The following PAK2 variants were observed in gnomAD, a reference collection of about 807,000 sequenced individuals.
PAK2 encodes the protein serine/threonine-protein kinase PAK 2.
In PAK2, 21 loss-of-function variants were observed where a neutral mutation model predicts 65.9. That is an observed-to-expected ratio of 0.32 (90% CI 0.23 to 0.46). The LOEUF (loss-of-function observed/expected upper bound fraction) is 0.46. PAK2 is among the 20% of genes least tolerant of loss of function. PAK2 has a pLI of 1.00. For missense variants in PAK2, 324 were observed against 642.6 expected, an observed-to-expected ratio of 0.50 and a Z score of 5.36; for synonymous variants, 204 against 219.7, an observed-to-expected ratio of 0.93 and a Z score of 0.63.
chr3:196,811,223 C>T (rs140460094), intron 8 of PAK2, among the ~76,000 whole-genome samples: 13,321 of 17,350 alleles, frequency 0.77, 5,559 homozygotes, highest in Admixed American at 0.79. Flanking sequence ...TTCCCTCCCT[C>T]CCTTCCCTTC....
intron 1 of PAK2, among the ~76,000 whole-genome samples, chr3:196,751,694 T>TATATATATATATATAAA (rs1211217848): frequency 6.5e-5 from 3 of 45,842 alleles, no homozygotes; most frequent in African/African-American, 2.3e-4. Flanking sequence ...TATATATATA[T>TATATATATATATATAAA]AATTCAGGCT....
chr3:196,767,153 A>G (rs866004277), intron 1 of PAK2, among the ~76,000 whole-genome samples: 1 of 152,074 alleles, frequency 6.6e-6, no homozygotes, highest in African/African-American at 2.4e-5. Flanking sequence ...TTCTGTAGTT[A>G]GTTGAGCCAT....
At chr3:196,803,383 G>A (rs1353087866) in intron 4 of PAK2, among the ~76,000 whole-genome samples, 1 of 152,182 alleles carries the variant, frequency 6.6e-6, no homozygotes, top group Non-Finnish European at 1.5e-5. Flanking sequence ...AGAAACGGGA[G>A]TTGATGGATA....
chr3:196,744,530 C>T (rs980592293), intron 1 of PAK2, among the ~76,000 whole-genome samples: 1 of 152,044 alleles, frequency 6.6e-6, no homozygotes, highest in Non-Finnish European at 1.5e-5. Context: ...AGAGCAAGAC[C>T]CTGTCTTATA....
At chr3:196,825,992 T>A (rs1002019161) in intron 13 of PAK2, among the ~76,000 whole-genome samples, 14 of 144,384 alleles carry the variant, frequency 9.7e-5, no homozygotes, top group Non-Finnish European at 1.5e-5. Context: ...TACAGGCATG[T>A]GCCACCACAC....
chr3:196,808,041 G>A, intron 7 of PAK2, 127 bp downstream of exon 7: 7 of 804,638 alleles, frequency 8.7e-6, no homozygotes, highest in Non-Finnish European at 1.1e-5. Flanking sequence ...TTTCCTTATA[G>A]CAACAGTAGC....
rs534487662 is a variant in PAK2 at position 196,754,049 on chromosome 3, T to C, written c.-22+13892T>C. On this transcript the variant is annotated intron_variant, in intron 1 of 14. Transcript: ENST00000327134. The stretch of plus-strand genomic sequence containing the variant: ...TTTACCACTCGTTTGATTTTTCTTT[T>C]TCACTTCTAATGTTGGCTTTATTTC... Among the ~76,000 whole-genome samples, 328 of 152,314 alleles carry C rather than the reference T, an allele frequency of 2.2e-3. 1 individual carries two copies. Among genetic ancestry groups the C allele is most frequent in the Non-Finnish European group, 3.6e-3 (243 of 68,034 alleles).
intron 1 of PAK2, among the ~76,000 whole-genome samples, chr3:196,760,313 C>T (rs540853370): frequency 2.6e-5 from 4 of 152,074 alleles, no homozygotes; most frequent in South Asian, 4.2e-4. Flanking sequence ...CACACTGGCG[C>T]GATCTCAGCT....
At chr3:196,788,324 T>G (rs984257091) in intron 2 of PAK2, among the ~76,000 whole-genome samples, 1 of 152,178 alleles carries the variant, frequency 6.6e-6, no homozygotes, top group African/African-American at 2.4e-5. Context: ...GATAATTCAT[T>G]TTATTCCACT....
intron 2 of PAK2, among the ~76,000 whole-genome samples, chr3:196,800,686 TC>T (rs1235456414): frequency 6.6e-6 from 1 of 152,050 alleles, no homozygotes; most frequent in Non-Finnish European, 1.5e-5. Context: ...AGAGATAGAC[TC>T]ACACGTGTAC....
intron 2 of PAK2, among the ~76,000 whole-genome samples, chr3:196,797,744 C>G (rs1464188020): frequency 1.3e-5 from 2 of 150,946 alleles, no homozygotes; most frequent in East Asian, 3.9e-4. Flanking sequence ...AAGCAAGACT[C>G]TGTCTCAAAA....
At position 196,813,941 on chromosome 3, in the gene PAK2, T is replaced by A. The variant is rs1009301893; in HGVS notation, c.936-510T>A. Among the ~76,000 whole-genome samples, 24 of 152,232 alleles carry A rather than the reference T, an allele frequency of 1.6e-4. No homozygotes were observed. In the East Asian group the frequency reaches 4.2e-3, roughly 27 times the overall value. On this transcript the variant is annotated intron_variant, in intron 10 of 14. Transcript: ENST00000327134. ...CTCCAGCCTGGCAACAGAGCAAGAC[T>A]CTGTCTCAAAAAAATAAATAAAAAA...
chr3:196,740,438 C>T (rs745735579), intron 1 of PAK2, among the ~76,000 whole-genome samples: 1 of 152,076 alleles, frequency 6.6e-6, no homozygotes, highest in Non-Finnish European at 1.5e-5. Flanking sequence ...CTGAACCTCG[C>T]GGCACCACGG....
chr3:196,819,940 C>T (rs1401514755), intron 12 of PAK2, among the ~76,000 whole-genome samples: 1 of 152,094 alleles, frequency 6.6e-6, no homozygotes, highest in Non-Finnish European at 1.5e-5. Context: ...CCCAGGAGTT[C>T]AAGACCAGCC....
rs1380749499 is a variant in PAK2, at chr3:196,828,492, A to C, written c.*87A>C. 1.2e-6 allele frequency: 1 copy of C among 827,320 alleles called. No homozygotes were observed. Among genetic ancestry groups the C allele is most frequent in the East Asian group, 2.4e-5 (1 of 41,018 alleles). 51.2% of individuals were successfully genotyped at this position (827,320 alleles called of 1,614,324 possible). A position where few individuals can be genotyped will look rare whatever the true frequency, so the allele number is the denominator to read the frequency against. Reference sequence around the variant, plus strand: ...AAAATTATTACTCTTTTTGGGGTTTAAAGAAATGGTCTGCATAACCTGAAT... The same window carrying C: ...AAAATTATTACTCTTTTTGGGGTTTCAAGAAATGGTCTGCATAACCTGAAT... On this transcript the variant is annotated 3_prime_UTR_variant, in exon 15 of 15. Coordinates refer to ENST00000327134, the MANE Select transcript of PAK2 (RefSeq NM_002577.4).
rs79914423 is a variant in PAK2 at position 196,744,528 on chromosome 3, A to T, written c.-22+4371A>T. 8.5e-3 allele frequency among the ~76,000 whole-genome samples: 1,290 copies of T among 152,214 alleles called. 13 individuals carry two copies. The highest frequency in any genetic ancestry group is 0.028 in the African/African-American group (1,180 of 41,524). On this transcript the variant is annotated intron_variant, in intron 1 of 14. Transcript: ENST00000327134. Reference sequence around the variant, plus strand: ...ATTCCAGCCTGGGTGACAGAGCAAGACCCTGTCTTATAAAATTCTTAAAAA... The same window carrying T: ...ATTCCAGCCTGGGTGACAGAGCAAGTCCCTGTCTTATAAAATTCTTAAAAA...
chr3:196,829,868 G>A lies in PAK2; in HGVS notation c.*1463G>A, dbSNP rs1654141142. Reference sequence around the variant, plus strand: ...GATTCTAAAAGGTCTGAGACCTGTAGCATTAATTATTTGAGTGCCCTCCCT... The same window carrying A: ...GATTCTAAAAGGTCTGAGACCTGTAACATTAATTATTTGAGTGCCCTCCCT... On this transcript the variant is annotated 3_prime_UTR_variant, in exon 15 of 15. Coordinates refer to ENST00000327134, the MANE Select transcript of PAK2 (RefSeq NM_002577.4). 6.6e-6 allele frequency: 1 copy of A among 152,106 alleles called. No individual in the cohort carries two copies. The highest frequency in any genetic ancestry group is 1.5e-5 in the Non-Finnish European group (1 of 68,006). The allele number at this position is 152,106 out of a possible 1,614,324, so 9.4% of individuals were successfully genotyped here.
At chr3:196,800,848 G>GT (rs779987961) in intron 2 of PAK2, among the ~76,000 whole-genome samples, 10 of 152,044 alleles carry the variant, frequency 6.6e-5, no homozygotes, top group Non-Finnish European at 1.5e-4. Context: ...AGAGGAAAAC[G>GT]TAAGATCCAG....
intron 14 of PAK2, chr3:196,827,544 A>G: frequency 5.3e-6 from 3 of 568,590 alleles, no homozygotes; most frequent in Non-Finnish European, 6.7e-6. Flanking sequence ...ATAGGTGGGA[A>G]TTGAACAATG....
Sources: gnomAD v4.1 joint callset for allele counts (sites outside exome capture counted in the v4.1 genomes callset) on GRCh38, gnomAD v4.1.1 for gene constraint, MANE v1.5 for transcripts, NCBI Gene and HGNC (gene_info 2026-07-23, HGNC 2026-07-21) for gene names.